The following PDE4B variants were observed in gnomAD, a reference collection of about 807,000 sequenced individuals.
PDE4B encodes 3',5'-cyclic-AMP phosphodiesterase 4B.
In PDE4B, 20 loss-of-function variants were observed where a neutral mutation model predicts 82.2. That is an observed-to-expected ratio of 0.24 (90% CI 0.17 to 0.35). PDE4B has a LOEUF of 0.35. Among genes scored for constraint, PDE4B ranks in the 10% least tolerant of loss-of-function variants. The pLI is 1.00. For missense variants in PDE4B, 655 were observed against 907.2 expected, an observed-to-expected ratio of 0.72 and a Z score of 3.57; for synonymous variants, 320 against 318.9, an observed-to-expected ratio of 1.00 and a Z score of -0.04.
At chr1:66,287,920 G>A (rs1656796040) in intron 7 of PDE4B, among the ~76,000 whole-genome samples, 1 of 152,102 alleles carries the variant, frequency 6.6e-6, no homozygotes, top group African/African-American at 2.4e-5. Flanking sequence ...ATGGCAGTGA[G>A]CTATGATTGT....
intron 3 of PDE4B, among the ~76,000 whole-genome samples, chr1:66,165,404 T>C (rs765448170): frequency 9.9e-5 from 15 of 152,162 alleles, no homozygotes; most frequent in South Asian, 6.2e-4. Context: ...AAATGCATTT[T>C]TCCTCCTTTA....
In PDE4B at chr1:66,003,346, A is replaced by G. The variant is rs571757074; in HGVS notation, c.281+84511A>G. Among the ~76,000 whole-genome samples, 5 of 33,902 alleles carry G rather than the reference A, an allele frequency of 1.5e-4. No individual in the cohort carries two copies. The East Asian group carries it at 0.02, about 139-fold the overall frequency. 22.2% of individuals were successfully genotyped at this position (33,902 alleles called of 152,430 possible). A position where few individuals can be genotyped will look rare whatever the true frequency, so the allele number is the denominator to read the frequency against. ...TGTCTTGTTTTGCTCTCATCAATACATTTAAAAAAAAAAAACATTTATCAT... is the reference window on the plus strand; with the variant it reads ...TGTCTTGTTTTGCTCTCATCAATACGTTTAAAAAAAAAAAACATTTATCAT... On this transcript the variant is annotated intron_variant, in intron 3 of 16. Transcript: ENST00000341517.
At chr1:66,051,736 G>C (rs896292995) in intron 3 of PDE4B, among the ~76,000 whole-genome samples, 2 of 152,050 alleles carry the variant, frequency 1.3e-5, no homozygotes, top group African/African-American at 4.8e-5. Flanking sequence ...TTGCCAAGCA[G>C]AATTTTATAT....
intron 7 of PDE4B, among the ~76,000 whole-genome samples, chr1:66,308,478 A>G (rs1658439875): frequency 6.6e-6 from 1 of 152,196 alleles, no homozygotes; most frequent in African/African-American, 2.4e-5. Flanking sequence ...AATTCCATAG[A>G]AGGCCCCTGG....
At chr1:65,940,708 T>C (rs1648398973) in intron 3 of PDE4B, among the ~76,000 whole-genome samples, 2 of 152,062 alleles carry the variant, frequency 1.3e-5, no homozygotes, top group African/African-American at 4.8e-5. Flanking sequence ...AGTGGTACCA[T>C]TTGCTAAAGC....
chr1:66,269,323 C>G (rs1655290420), intron 7 of PDE4B, among the ~76,000 whole-genome samples: 1 of 152,072 alleles, frequency 6.6e-6, no homozygotes, highest in South Asian at 2.1e-4. Context: ...GAATTTCAAG[C>G]CCAGAAAGAA....
At chr1:66,066,694 C>G (rs1655866903) in intron 3 of PDE4B, among the ~76,000 whole-genome samples, 1 of 151,848 alleles carries the variant, frequency 6.6e-6, no homozygotes, top group Admixed American at 6.6e-5. Flanking sequence ...CTTTTCAACG[C>G]CTTGTATCTT....
intron 3 of PDE4B, among the ~76,000 whole-genome samples, chr1:66,189,870 C>G (rs1647594433): frequency 6.6e-6 from 1 of 152,212 alleles, no homozygotes; most frequent in African/African-American, 2.4e-5. Context: ...TGTTCCATTG[C>G]TGGTGAGGAG....
chr1:66,304,625 A>G (rs1658139149), intron 7 of PDE4B, among the ~76,000 whole-genome samples: 1 of 152,108 alleles, frequency 6.6e-6, no homozygotes, highest in Non-Finnish European at 1.5e-5. Flanking sequence ...ATGTCTTCAA[A>G]TGACATAGAG....
At chr1:66,162,149 C>A (rs1407577567) in intron 3 of PDE4B, among the ~76,000 whole-genome samples, 4 of 151,898 alleles carry the variant, frequency 2.6e-5, no homozygotes, top group African/African-American at 9.7e-5. Flanking sequence ...TCCAAATATT[C>A]AGTGAAACTT....
chr1:66,282,814 G>A (rs1222441261), intron 7 of PDE4B, among the ~76,000 whole-genome samples: 1 of 152,010 alleles, frequency 6.6e-6, no homozygotes, highest in Non-Finnish European at 1.5e-5. Context: ...CAAAAATAGT[G>A]GTGTGTGGGT....
Position 66,123,194 on chromosome 1 carries a change from A to G in PDE4B, c.282-124266A>G, listed in dbSNP as rs76983295. ...ATTTTGATTCCTTTTTTTGAAGACA[A>G]TGATTTTAACAAGAGAAAATGGCTT... is the stretch of plus-strand genomic sequence containing the variant. On this transcript the variant is annotated intron_variant, in intron 3 of 16. Transcript: ENST00000341517. Among the ~76,000 whole-genome samples the G allele has an allele frequency of 3.7e-3, 558 of 152,274 alleles. 3 individuals carry two copies. Among genetic ancestry groups the G allele is most frequent in the African/African-American group, 0.013 (530 of 41,566 alleles).
At chr1:65,974,881 A>G (rs1650328881) in intron 3 of PDE4B, among the ~76,000 whole-genome samples, 1 of 152,096 alleles carries the variant, frequency 6.6e-6, no homozygotes, top group Non-Finnish European at 1.5e-5. Flanking sequence ...TTTTTTTCAT[A>G]AATTACCCAG....
intron 3 of PDE4B, among the ~76,000 whole-genome samples, chr1:66,012,308 T>C (rs1270108547): frequency 6.6e-6 from 1 of 152,152 alleles, no homozygotes; most frequent in African/African-American, 2.4e-5. Flanking sequence ...GTTTAATGTT[T>C]CCATCTGGTC....
chr1:66,024,699 G>T (rs1052577846), intron 3 of PDE4B, among the ~76,000 whole-genome samples: 1 of 151,788 alleles, frequency 6.6e-6, no homozygotes, highest in African/African-American at 2.4e-5. Context: ...ACATTTTTTT[G>T]GATCAGTAAA....
chr1:66,061,650 T>G (rs1209274170), intron 3 of PDE4B, among the ~76,000 whole-genome samples: 1 of 152,178 alleles, frequency 6.6e-6, no homozygotes, highest in Non-Finnish European at 1.5e-5. Flanking sequence ...TTATTTAAAC[T>G]GATATACCAA....
chr1:65,949,992 A>T (rs538925626), intron 3 of PDE4B, among the ~76,000 whole-genome samples: 1 of 152,014 alleles, frequency 6.6e-6, no homozygotes, highest in Non-Finnish European at 1.5e-5. Flanking sequence ...ACTGCTAACA[A>T]TTAATTTTGT....
At chr1:66,049,140 C>G (rs757776960) in intron 3 of PDE4B, among the ~76,000 whole-genome samples, 26 of 151,948 alleles carry the variant, frequency 1.7e-4, no homozygotes, top group Admixed American at 1.1e-3. Flanking sequence ...AGATTAGGCT[C>G]TACTCTAAAT....
At chr1:66,230,170 A>G (rs976342897) in intron 3 of PDE4B, among the ~76,000 whole-genome samples, 8 of 152,194 alleles carry the variant, frequency 5.3e-5, no homozygotes, top group African/African-American at 1.9e-4. Flanking sequence ...TCTTGCTCAC[A>G]TATGGACTTG....
Sources: allele counts gnomAD v4.1 joint callset (sites outside exome capture counted in the v4.1 genomes callset), GRCh38; gene constraint gnomAD v4.1.1; transcripts MANE v1.5; gene names NCBI Gene and HGNC (gene_info 2026-07-23, HGNC 2026-07-21).